The following ATXN8OS variants were observed in gnomAD, a reference collection of about 807,000 sequenced individuals.
The protein encoded by ATXN8OS is ATXN8 opposite strand (non-protein coding).
chr13:70,139,880 T>A (rs565510968), intron 3 of ATXN8OS, among the ~76,000 whole-genome samples: 1 of 152,296 alleles, frequency 6.6e-6, no homozygotes, highest in East Asian at 1.9e-4. Context: ...TGTTTTTTAA[T>A]CACGATTTTT....
rs1352516541 is a variant in ATXN8OS, at chr13:70,125,635, T to C, written n.399-4149T>C. Among the ~76,000 whole-genome samples the C allele has an allele frequency of 2.6e-5, 4 of 152,176 alleles. No homozygotes were observed. In the East Asian group the frequency reaches 5.8e-4, roughly 22 times the overall value. On this transcript the variant is annotated intron_variant and non_coding_transcript_variant, in intron 2 of 4. Coordinates refer to ENST00000678624, the Ensembl canonical transcript of ATXN8OS. ...CATGAACTGGAATACTTGTTTTTCC[T>C]TGGGTGAGCTTTTGTTTTCTTTTAG...
intron 4 of ATXN8OS, among the ~76,000 whole-genome samples, chr13:70,150,490 C>T (rs1281028702): frequency 6.6e-6 from 1 of 152,006 alleles, no homozygotes; most frequent in Non-Finnish European, 1.5e-5. Context: ...TTATAGTTTT[C>T]TATGTGTAAG....
chr13:70,138,104 T>G (rs143719362), intron 3 of ATXN8OS, among the ~76,000 whole-genome samples: 1 of 152,314 alleles, frequency 6.6e-6, no homozygotes, highest in East Asian at 1.9e-4. Flanking sequence ...TCCTCCAACA[T>G]TGGGGCTTAC....
At chr13:70,170,520 C>T (rs1295938771) in exon 5 of ATXN8OS, among the ~76,000 whole-genome samples, 1 of 151,994 alleles carries the variant, frequency 6.6e-6, no homozygotes, top group East Asian at 1.9e-4. Context: ...GAAGGAATGT[C>T]AAAGAATAAT....
intron 2 of ATXN8OS, among the ~76,000 whole-genome samples, chr13:70,119,068 T>A (rs1888322770): frequency 6.6e-6 from 1 of 152,064 alleles, no homozygotes; most frequent in Admixed American, 6.6e-5. Context: ...TGCAGTCAAG[T>A]GGACAGGGAC....
At chr13:70,141,196 A>G (rs1888709715) in intron 3 of ATXN8OS, among the ~76,000 whole-genome samples, 1 of 152,124 alleles carries the variant, frequency 6.6e-6, no homozygotes, top group South Asian at 2.1e-4. Flanking sequence ...CTTTGCTCTT[A>G]TCTGTTAAGA....
chr13:70,125,746 A>G (rs1024048736), intron 2 of ATXN8OS, among the ~76,000 whole-genome samples: 2 of 152,012 alleles, frequency 1.3e-5, no homozygotes, highest in African/African-American at 2.4e-5. Flanking sequence ...ATCTCTATCA[A>G]TCAGTTGCAG....
At chr13:70,117,088 A>C (rs1260085544) in intron 2 of ATXN8OS, among the ~76,000 whole-genome samples, 1 of 152,122 alleles carries the variant, frequency 6.6e-6, no homozygotes, top group Non-Finnish European at 1.5e-5. Context: ...ATAAACTTGT[A>C]CTTATGCAAC....
rs191511463 is a variant in ATXN8OS, at chr13:70,169,716, T to G, written n.574-37T>G. Among the ~76,000 whole-genome samples the G allele has an allele frequency of 1.1e-4, 16 of 152,232 alleles. No homozygotes were observed. In the East Asian group the frequency reaches 2.7e-3, roughly 26 times the overall value. Reference sequence around the variant, plus strand: ...AAGATATCATCTGTTGAATGCATACTCCTGTGGCTCTCACTAAAACTTTCC... The same window carrying G: ...AAGATATCATCTGTTGAATGCATACGCCTGTGGCTCTCACTAAAACTTTCC... On this transcript the variant is annotated intron_variant and non_coding_transcript_variant, in intron 4 of 4. Transcript: ENST00000678624.
At chr13:70,123,000 T>C (rs1391314753) in intron 2 of ATXN8OS, among the ~76,000 whole-genome samples, 1 of 151,996 alleles carries the variant, frequency 6.6e-6, no homozygotes, top group East Asian at 1.9e-4. Flanking sequence ...CTTCACAAGC[T>C]TTTGTGGAAA....
chr13:70,119,155 C>T (rs551579345), intron 2 of ATXN8OS, among the ~76,000 whole-genome samples: 1 of 151,978 alleles, frequency 6.6e-6, no homozygotes. Context: ...ATGTTTTAAA[C>T]CCTTACTCTT....
chr13:70,112,222 A>T (rs977699747), intron 1 of ATXN8OS, among the ~76,000 whole-genome samples: 1 of 152,140 alleles, frequency 6.6e-6, no homozygotes, highest in African/African-American at 2.4e-5. Context: ...TTATGATTCC[A>T]TCACCTCACA....
chr13:70,114,507 C>T (rs1888246865), intron 1 of ATXN8OS, among the ~76,000 whole-genome samples: 1 of 152,018 alleles, frequency 6.6e-6, no homozygotes, highest in African/African-American at 2.4e-5. Flanking sequence ...GACAAAATTA[C>T]AAGTAAAATA....
At chr13:70,121,503 G>T (rs959669897) in intron 2 of ATXN8OS, among the ~76,000 whole-genome samples, 4 of 152,058 alleles carry the variant, frequency 2.6e-5, no homozygotes, top group Non-Finnish European at 5.9e-5. Flanking sequence ...TCAAAAGAAA[G>T]AAATGAATCA....
At chr13:70,107,486 G>A (rs946815110), upstream of ATXN8OS, 15 of 1,609,734 alleles carry the variant, frequency 9.3e-6, no homozygotes, top group African/African-American at 1.4e-5. Context: ...GAGGAGGAAG[G>A]CTTCTTCCAG....
intron 2 of ATXN8OS, among the ~76,000 whole-genome samples, chr13:70,128,223 G>T (rs1888472915): frequency 6.6e-6 from 1 of 152,004 alleles, no homozygotes; most frequent in Non-Finnish European, 1.5e-5. Context: ...TCCACTAATG[G>T]CTTTATTGCC....
intron 4 of ATXN8OS, among the ~76,000 whole-genome samples, chr13:70,156,069 T>A (rs1336289043): frequency 6.6e-6 from 1 of 152,176 alleles, no homozygotes; most frequent in Admixed American, 6.5e-5. Flanking sequence ...CTGGCTTTCC[T>A]AACTTTATGA....
In ATXN8OS at chr13:70,145,569, C is replaced by G. The variant is rs7983400; in HGVS notation, n.500-1786C>G. 7.9e-3 allele frequency among the ~76,000 whole-genome samples: 1,195 copies of G among 152,040 alleles called. 13 individuals carry two copies. Among genetic ancestry groups the G allele is most frequent in the African/African-American group, 0.027 (1,112 of 41,420 alleles). On this transcript the variant is annotated intron_variant and non_coding_transcript_variant, in intron 3 of 4. Coordinates refer to ENST00000678624, the Ensembl canonical transcript of ATXN8OS. ...TTCTCCTTGAAGAGGTCCTTCACAT[C>G]CCTTGTAAGTTGGATTCCTAGGTAT...
At chr13:70,169,729 A>G (rs1026938516) in intron 4 of ATXN8OS, among the ~76,000 whole-genome samples, 1 of 152,108 alleles carries the variant, frequency 6.6e-6, no homozygotes, top group Non-Finnish European at 1.5e-5. Flanking sequence ...TGTGGCTCTC[A>G]CTAAAACTTT....
Sources: allele counts gnomAD v4.1 joint callset (sites outside exome capture counted in the v4.1 genomes callset), GRCh38; gene constraint gnomAD v4.1.1; transcripts MANE v1.5; gene names NCBI Gene and HGNC (gene_info 2026-07-23, HGNC 2026-07-21).